ASCC3: variants seen among roughly 807,000 people sequenced by gnomAD.
The protein encoded by ASCC3 is activating signal cointegrator 1 complex subunit 3.
In ASCC3, 158 loss-of-function variants were observed where a neutral mutation model predicts 256.3. The ratio of observed to expected loss-of-function variants is 0.62; its 90% CI spans 0.54 to 0.70. The LOEUF (loss-of-function observed/expected upper bound fraction) is 0.70, where lower values mean the gene tolerates loss of function less well. Ranked by LOEUF, ASCC3 falls within the 30% of genes least tolerant of loss-of-function variation. The pLI, the probability that ASCC3 is intolerant of heterozygous loss-of-function variation, is 0.00. For missense variants in ASCC3, 2,259 were observed against 2,626.0 expected (o/e 0.86, Z 3.05); for synonymous variants, 948 against 883.4 (o/e 1.07, Z -1.30).
At chr6:100,657,930 A>G (rs941839967) in intron 16 of ASCC3, among the ~76,000 whole-genome samples, 2 of 151,570 alleles carry the variant, frequency 1.3e-5, no homozygotes, top group African/African-American at 4.8e-5. Context: ...GCTACTTAGT[A>G]CAGGAACCTT....
intron 4 of ASCC3, among the ~76,000 whole-genome samples, chr6:100,808,782 C>G (rs1035742183): frequency 4.0e-5 from 6 of 151,860 alleles, no homozygotes; most frequent in African/African-American, 1.4e-4. Context: ...TTTGTGGGAA[C>G]ATCATAGAGT....
At chr6:100,674,157 T>A (rs1018822242) in intron 14 of ASCC3, among the ~76,000 whole-genome samples, 4 of 152,000 alleles carry the variant, frequency 2.6e-5, no homozygotes, top group Non-Finnish European at 2.9e-5. Context: ...TTATCAAAAA[T>A]TTTTTTAAAG....
intron 36 of ASCC3, among the ~76,000 whole-genome samples, chr6:100,575,879 C>T (rs1770832512): frequency 6.6e-6 from 1 of 152,008 alleles, no homozygotes; most frequent in Non-Finnish European, 1.5e-5. Flanking sequence ...AAATAGACTA[C>T]CTTCTAAAAG....
At chr6:100,639,843 G>T (rs144842682) in intron 24 of ASCC3, among the ~76,000 whole-genome samples, 29 of 152,130 alleles carry the variant, frequency 1.9e-4, no homozygotes, top group African/African-American at 6.8e-4. Context: ...GGCCGGGAGC[G>T]GTGGCTCAAG....
rs546548659 is a variant in ASCC3 at position 100,802,387 on chromosome 6, C to T, written c.923-1883G>A. ...CTCCTGATGTGTAAGATGCCTGCTC[C>T]CCTTTTGCCTTCTGCCATGATTGGA... On this transcript the variant is annotated intron_variant, in intron 5 of 41. Coordinates refer to ENST00000369162, the MANE Select transcript of ASCC3 (RefSeq NM_006828.4). 2.5e-3 allele frequency among the ~76,000 whole-genome samples: 382 copies of T among 152,150 alleles called. 1 individual carries two copies. The highest frequency in any genetic ancestry group is 3.4e-3 in the Middle Eastern group (1 of 294).
intron 11 of ASCC3, among the ~76,000 whole-genome samples, chr6:100,718,536 T>C (rs74449368): frequency 0.015 from 2,342 of 152,008 alleles, 24 homozygotes; most frequent in East Asian, 0.045. Flanking sequence ...GGTGGGCGGC[T>C]TGCTTGAGCC....
At chr6:100,739,551 G>T (rs1389009542) in intron 10 of ASCC3, among the ~76,000 whole-genome samples, 3 of 152,156 alleles carry the variant, frequency 2.0e-5, no homozygotes. Context: ...ATTCACCTGT[G>T]AATCCAACTG....
At chr6:100,663,280 G>T (rs568666017) in intron 14 of ASCC3, among the ~76,000 whole-genome samples, 1 of 152,114 alleles carries the variant, frequency 6.6e-6, no homozygotes, top group South Asian at 2.1e-4. Flanking sequence ...TCCATTACCT[G>T]AGGTCAACTG....
At position 100,662,014 on chromosome 6, in the gene ASCC3, G is replaced by A; in HGVS notation, c.2495C>T (p.Ala832Val). 1 of 1,613,046 alleles carries A rather than the reference G, an allele frequency of 6.2e-7. No homozygotes were observed. Among genetic ancestry groups the A allele is most frequent in the Non-Finnish European group, 8.5e-7 (1 of 1,179,352 alleles). The change falls in exon 16 of 42, where the codon GCT (alanine) becomes GTT (valine). Residue 832 changes from alanine (A) to valine (V), a missense_variant. Physicochemically the swap from Ala to Val is moderately conservative, Grantham distance 64. Transcript: ENST00000369162. ...AVIIKGTQIY[A>V]AKRGSFVDLG... ...GTCAACAAAGGAGCCTCTTTTTGCA[G>A]CATATATTTGTGTTCCCTAGATGAG...
intron 36 of ASCC3, among the ~76,000 whole-genome samples, chr6:100,577,654 G>A (rs1231923697): frequency 6.6e-6 from 1 of 152,024 alleles, no homozygotes; most frequent in Non-Finnish European, 1.5e-5. Flanking sequence ...ACTTCCGTCA[G>A]CAGCAACACC....
At chr6:100,674,434 T>C (rs916745252) in intron 14 of ASCC3, among the ~76,000 whole-genome samples, 10 of 152,068 alleles carry the variant, frequency 6.6e-5, no homozygotes, top group Non-Finnish European at 1.5e-4. Flanking sequence ...GTTCCTAATA[T>C]TTCTTCCACC....
chr6:100,737,294 T>G (rs1232509790), intron 10 of ASCC3, among the ~76,000 whole-genome samples: 1 of 151,908 alleles, frequency 6.6e-6, no homozygotes, highest in African/African-American at 2.4e-5. Context: ...TAAGAAAACG[T>G]GTGCCATGGT....
chr6:100,743,175 G>A (rs768358478), intron 10 of ASCC3, among the ~76,000 whole-genome samples: 6 of 152,152 alleles, frequency 3.9e-5, no homozygotes, highest in South Asian at 2.1e-4. Context: ...TCCCTTGGCC[G>A]GGGGTGGGGA....
chr6:100,779,524 T>C (rs1464334919), intron 8 of ASCC3, among the ~76,000 whole-genome samples: 1 of 152,188 alleles, frequency 6.6e-6, no homozygotes, highest in Non-Finnish European at 1.5e-5. Context: ...TCTCTGAGGA[T>C]AAACCTAATT....
At chr6:100,638,148 C>A (rs1041459282) in intron 25 of ASCC3, among the ~76,000 whole-genome samples, 1 of 152,150 alleles carries the variant, frequency 6.6e-6, no homozygotes, top group Non-Finnish European at 1.5e-5. Context: ...GCTACTCCAA[C>A]CTTCAGTAGC....
chr6:100,651,921 C>T (rs1393787435), intron 18 of ASCC3, among the ~76,000 whole-genome samples: 1 of 151,840 alleles, frequency 6.6e-6, no homozygotes, highest in Non-Finnish European at 1.5e-5. Context: ...ACACTAGATA[C>T]CTTTAAAAAG....
chr6:100,768,900 C>A (rs1346805849), intron 8 of ASCC3, among the ~76,000 whole-genome samples: 1 of 152,010 alleles, frequency 6.6e-6, no homozygotes, highest in Middle Eastern at 3.2e-3. Context: ...ATATCAGGTA[C>A]CCTTATTAGA....
At chr6:100,786,993 A>C (rs1769115618) in intron 8 of ASCC3, among the ~76,000 whole-genome samples, 1 of 152,152 alleles carries the variant, frequency 6.6e-6, no homozygotes, top group Admixed American at 6.6e-5. Flanking sequence ...TTGGAAATGT[A>C]AATGTGCAAA....
At chr6:100,587,250 G>A (rs1771749131) in intron 36 of ASCC3, among the ~76,000 whole-genome samples, 1 of 151,646 alleles carries the variant, frequency 6.6e-6, no homozygotes, top group Admixed American at 6.6e-5. Context: ...TTGGAGGCAA[G>A]AGTAGGGAGG....
Sources: allele counts gnomAD v4.1 joint callset (sites outside exome capture counted in the v4.1 genomes callset), GRCh38; gene constraint gnomAD v4.1.1; transcripts MANE v1.5; gene names NCBI Gene and HGNC (gene_info 2026-07-23, HGNC 2026-07-21).